AMY2B: variants seen among roughly 807,000 people sequenced by gnomAD.
The protein encoded by AMY2B is alpha-amylase 2B.
A neutral mutation model predicts 59.3 loss-of-function variants in AMY2B; 63 were observed. The ratio of observed to expected loss-of-function variants is 1.06; its 90% CI spans 0.87 to 1.31. The LOEUF is 1.31. Among genes scored for constraint, AMY2B ranks in the 50% most tolerant of loss-of-function variants. The probability of loss-of-function intolerance (pLI) is 0.00; values close to 1 mark genes in which losing one functional copy is unlikely to be tolerated. For missense variants in AMY2B, 635 were observed against 626.7 expected (o/e 1.01, Z -0.14); for synonymous variants, 180 against 198.1 (o/e 0.91, Z 0.77).
At chr1:103,572,026 T>G in intron 1 of AMY2B, 84 bp from the exon 2 acceptor site, 1 of 1,590,836 alleles carries the variant, frequency 6.3e-7, no homozygotes, top group Non-Finnish European at 8.5e-7. Context: ...GATTCAAGAA[T>G]TTTTTATATT....
At chr1:103,569,928 C>A (rs993435763), upstream of AMY2B, 3 of 468,278 alleles carry the variant, frequency 6.4e-6, no homozygotes, top group Non-Finnish European at 1.3e-5. Context: ...ATGTTTGATA[C>A]CTTCAACACC....
At chr1:103,570,301 G>A (rs534594461), upstream of AMY2B, 23 of 599,440 alleles carry the variant, frequency 3.8e-5, no homozygotes, top group Middle Eastern at 3.0e-4. Context: ...CATCACCATC[G>A]GCAATGAGGT....
chr1:103,573,586 C>T, intron 3 of AMY2B, 122 bp from the exon 4 acceptor site: 1 of 1,436,506 alleles, frequency 7.0e-7, no homozygotes, highest in Non-Finnish European at 9.6e-7. Context: ...CCCCAGCGCC[C>T]AATGCAAGGA....
chr1:103,570,536 C>G, upstream of AMY2B: 1 of 608,876 alleles, frequency 1.6e-6, no homozygotes, highest in Non-Finnish European at 3.2e-6. Context: ...TCAAGATGAT[C>G]GCATCCCCAG....
Position 103,573,229 on chromosome 1 carries a change from G to A in AMY2B, c.482G>A (p.Gly161Glu). The A allele has an allele frequency of 2.5e-6, 4 of 1,613,588 alleles. No individual in the cohort carries two copies. Among genetic ancestry groups the A allele is most frequent in the Non-Finnish European group, 3.4e-6 (4 of 1,179,624 alleles). The change falls in exon 3 of 10, where the codon GGA becomes GAA. Residue 161 changes from glycine to glutamate, a missense_variant. By Grantham distance (98) the Gly-to-Glu change is moderately conservative. Transcript: ENST00000684275. ...GATGGTAAATGTAAAACTGGAAGTGGAGATATCGAGAACTACAATGATGCT... is the reference window on the plus strand; with the variant it reads ...GATGGTAAATGTAAAACTGGAAGTGAAGATATCGAGAACTACAATGATGCT... ...FNDGKCKTGSGDIENYNDATQ... is the reference protein window; with the variant it reads ...FNDGKCKTGSEDIENYNDATQ...
chr1:103,573,791 T>C lies in AMY2B; in HGVS notation c.597T>C (p.Asn199=), dbSNP rs17851840. ...GTTCCAAGATTGCCGAATATATGAA[T>C]CATCTCATTGACATTGGTGTTGCAG... ...YVRSKIAEYM[N]HLIDIGVAGF... Residue 199 remains asparagine (N), a synonymous_variant, in exon 4 of 10, where the codon AAT becomes AAC. Transcript: ENST00000684275. The C allele has an allele frequency of 0.088, 142,528 of 1,613,570 alleles. 7,115 individuals carry two copies. The highest frequency in any genetic ancestry group is 0.11 in the Middle Eastern group (675 of 6,054).
At chr1:103,563,706 T>A (rs951934230) in intron 1 of AMY2B, among the ~76,000 whole-genome samples, 18 of 152,104 alleles carry the variant, frequency 1.2e-4, no homozygotes, top group Admixed American at 5.2e-4. Flanking sequence ...CCTTTTTTTT[T>A]ACCAACATTC....
At chr1:103,556,343 C>A (rs1651549739) in intron 1 of AMY2B, among the ~76,000 whole-genome samples, 1 of 151,944 alleles carries the variant, frequency 6.6e-6, no homozygotes, top group African/African-American at 2.4e-5. Context: ...GATGTTGTTA[C>A]ATTTAAGAGA....
At chr1:103,560,198 C>G (rs1454081769) in intron 1 of AMY2B, among the ~76,000 whole-genome samples, 2 of 152,108 alleles carry the variant, frequency 1.3e-5, no homozygotes, top group East Asian at 3.8e-4. Flanking sequence ...TTAAAACTCT[C>G]TCATAATTGT....
At position 103,573,067 on chromosome 1, in the gene AMY2B, G is replaced by C; in HGVS notation, c.320G>C (p.Arg107Pro). The change falls in exon 3 of 10, where the codon CGT (arginine) becomes CCT (proline). Residue 107 changes from arginine (R) to proline (P), a missense_variant. Arg to Pro is a moderately radical substitution (Grantham distance 103). Coordinates refer to ENST00000684275, the MANE Select transcript of AMY2B (RefSeq NM_001387437.1). ...MVTRCNNVGV[R>P]IYVDAVINHM... ...AGTAGAAACTTTGCTTTCTAGGTTC[G>C]TATTTATGTGGATGCTGTAATTAAT... The C allele has an allele frequency of 1.9e-6, 3 of 1,613,490 alleles. No individual in the cohort carries two copies. Among genetic ancestry groups the C allele is most frequent in the Non-Finnish European group, 2.5e-6 (3 of 1,179,632 alleles).
rs374395229 is a variant in AMY2B, at chr1:103,574,314, C to T, written c.799C>T (p.Arg267Trp). 23 of 1,611,112 alleles carry T rather than the reference C, an allele frequency of 1.4e-5. No homozygotes were observed. The African/African-American group carries it at 1.6e-4, about 11-fold the overall frequency. Residue 267 changes from arginine to tryptophan, a missense_variant, in exon 5 of 10, where the codon CGG (arginine) becomes TGG (tryptophan). Arg to Trp is a moderately radical substitution (Grantham distance 101). Coordinates refer to ENST00000684275, the MANE Select transcript of AMY2B (RefSeq NM_001387437.1). ...IKSSDYFGNG[R>W]VTEFKYGAKL... Reference sequence around the variant, plus strand: ...AAGCAGTGACTACTTTGGAAATGGCCGGGTGACAGAATTCAAGTATGGTGC... The same window carrying T: ...AAGCAGTGACTACTTTGGAAATGGCTGGGTGACAGAATTCAAGTATGGTGC...
upstream of AMY2B, chr1:103,570,643 C>A (rs563115074): frequency 9.4e-5 from 55 of 587,558 alleles, 1 homozygote; most frequent in Admixed American, 6.6e-4. Flanking sequence ...AATGACTTGG[C>A]CCCCTCCATC....
intron 7 of AMY2B, among the ~76,000 whole-genome samples, chr1:103,577,142 A>G (rs1652387809): frequency 1.3e-5 from 2 of 152,146 alleles, no homozygotes; most frequent in South Asian, 4.1e-4. Context: ...GGAGGCTGAG[A>G]TAGGAGGATC....
upstream of AMY2B, among the ~76,000 whole-genome samples, chr1:103,566,947 A>T (rs1384989851): frequency 6.6e-6 from 1 of 152,218 alleles, no homozygotes; most frequent in East Asian, 1.9e-4. Context: ...TATTGAGCAC[A>T]TAAGACAATG....
chr1:103,556,753 A>G (rs1406615203), intron 1 of AMY2B, among the ~76,000 whole-genome samples: 1 of 152,042 alleles, frequency 6.6e-6, no homozygotes, highest in Non-Finnish European at 1.5e-5. Context: ...AGGAGATTGA[A>G]AGCATTATCT....
At chr1:103,570,798 G>C (rs1328771717), upstream of AMY2B, 5 of 457,876 alleles carry the variant, frequency 1.1e-5, no homozygotes, top group Non-Finnish European at 1.8e-5. Flanking sequence ...TAGAAAATAA[G>C]TTGTCTTTAA....
At chr1:103,567,692 T>A (rs1019734399), upstream of AMY2B, among the ~76,000 whole-genome samples, 6 of 152,162 alleles carry the variant, frequency 3.9e-5, no homozygotes, top group African/African-American at 1.4e-4. Flanking sequence ...TTTATTAGTC[T>A]TTCAGTTCCC....
chr1:103,565,382 A>G (rs554459275), intron 1 of AMY2B: 9 of 152,318 alleles, frequency 5.9e-5, no homozygotes, highest in African/African-American at 1.4e-4. Flanking sequence ...AGAAAAGTCT[A>G]TATGTTCAGT....
intron 1 of AMY2B, among the ~76,000 whole-genome samples, chr1:103,563,072 C>G (rs1651786775): frequency 6.6e-6 from 1 of 151,986 alleles, no homozygotes; most frequent in Non-Finnish European, 1.5e-5. Flanking sequence ...CAGAAACTGG[C>G]TAATTTTGAG....
Sources: gnomAD v4.1 joint callset for allele counts (sites outside exome capture counted in the v4.1 genomes callset) on GRCh38, gnomAD v4.1.1 for gene constraint, MANE v1.5 for transcripts, NCBI Gene and HGNC (gene_info 2026-07-23, HGNC 2026-07-21) for gene names.